The following GINS3 variants were observed in gnomAD, a reference collection of about 807,000 sequenced individuals.
GINS3 encodes the protein GINS complex subunit 3.
A neutral mutation model predicts 20.0 loss-of-function variants in GINS3; 18 were observed. The observed-to-expected ratio is 0.90, with a 90% confidence interval of 0.62 to 1.33. The LOEUF is 1.33. Ranked by LOEUF, GINS3 falls within the 40% of genes most tolerant of loss-of-function variation. The pLI is 0.00. For missense variants in GINS3, 254 were observed against 273.6 expected (o/e 0.93, Z 0.51); for synonymous variants, 109 against 107.0 (o/e 1.02, Z -0.12).
intron 1 of GINS3, among the ~76,000 whole-genome samples, chr16:58,399,245 C>A (rs932630011): frequency 2.0e-5 from 3 of 151,424 alleles, no homozygotes; most frequent in Admixed American, 2.0e-4. Context: ...GCCTAGAAGA[C>A]CACTGCACTC....
chr16:58,401,668 C>G (rs1265492956), intron 1 of GINS3, among the ~76,000 whole-genome samples: 1 of 152,230 alleles, frequency 6.6e-6, no homozygotes, highest in Non-Finnish European at 1.5e-5. Context: ...CAAGTCCCCA[C>G]CCAACCCAGA....
At chr16:58,397,526 T>A (rs1237408672) in intron 1 of GINS3, among the ~76,000 whole-genome samples, 2 of 152,114 alleles carry the variant, frequency 1.3e-5, no homozygotes, top group Non-Finnish European at 2.9e-5. Context: ...CATTGAGCAC[T>A]GAGTGAACGT....
Position 58,404,757 on chromosome 16 carries a change from C to A in GINS3, c.*28C>A. The A allele has an allele frequency of 6.6e-7, 1 of 1,509,530 alleles. No homozygotes were observed. Among genetic ancestry groups the A allele is most frequent in the Non-Finnish European group, 9.2e-7 (1 of 1,089,942 alleles). The allele number at this position is 1,509,530 out of a possible 1,614,324, so 93.5% of individuals were successfully genotyped here. Reference sequence around the variant, plus strand: ...GCCGGAAGAACACAGAATGGCTCCTCACAGACGTATCCCTCCGTGTGTCCT... The same window carrying A: ...GCCGGAAGAACACAGAATGGCTCCTAACAGACGTATCCCTCCGTGTGTCCT... On this transcript the variant is annotated 3_prime_UTR_variant, in exon 3 of 3. Transcript: ENST00000318129.
At chr16:58,401,979 T>C (rs549444339) in intron 1 of GINS3, among the ~76,000 whole-genome samples, 2 of 152,338 alleles carry the variant, frequency 1.3e-5, no homozygotes, top group African/African-American at 4.8e-5. Flanking sequence ...CAGACATTTA[T>C]TTTGCCTCAA....
At chr16:58,403,873 A>G in intron 2 of GINS3, 1 of 160,702 alleles carries the variant, frequency 6.2e-6, no homozygotes, top group South Asian at 1.8e-4. Context: ...TTCTGGGGTT[A>G]GGGCTTGGCC....
Position 58,395,066 on chromosome 16 carries a change from A to AT in GINS3, c.186+2283dup, listed in dbSNP as rs563316059. ...TTGGTTTTTAACTAAAACTTTGACC[A>AT]TTTTATCTAATTTTTTTTTTTTTTT... On this transcript the variant is annotated intron_variant, in intron 1 of 2. Coordinates refer to ENST00000318129, the MANE Select transcript of GINS3 (RefSeq NM_022770.4). 4.6e-4 allele frequency: 245 copies of AT among 532,788 alleles called. No homozygotes were observed. The African/African-American group carries it at 4.8e-3, about 10-fold the overall frequency. The allele number at this position is 532,788 out of a possible 1,614,324, so 33.0% of individuals were successfully genotyped here. A position where few individuals can be genotyped will look rare whatever the true frequency, so the allele number is the denominator to read the frequency against.
intron 1 of GINS3, chr16:58,393,528 GTAATAC>G: frequency 6.6e-6 from 1 of 152,320 alleles, no homozygotes; most frequent in Admixed American, 6.5e-5. Context: ...TTTTATCAAA[GTAATAC>G]ATAACCAACG....
rs1362681388 is a variant in GINS3 at position 58,404,493 on chromosome 16, T to G, written c.421-6T>G. The stretch of plus-strand genomic sequence containing the variant: ...CCCTGACTTGTCTTACTCCCTTGTT[T>G]CCCAGACTTTTATCGGACGTTTTCG... On this transcript the variant is annotated splice_region_variant and splice_polypyrimidine_tract_variant and intron_variant, in intron 2 of 2. Transcript: ENST00000318129. 6.2e-7 allele frequency: 1 copy of G among 1,609,866 alleles called. No individual in the cohort carries two copies. Among genetic ancestry groups the G allele is most frequent in the East Asian group, 2.2e-5 (1 of 44,874 alleles).
chr16:58,404,420 A>C (rs1965998976), intron 2 of GINS3, 79 bp from the exon 3 acceptor site: 1 of 913,262 alleles, frequency 1.1e-6, no homozygotes, highest in Non-Finnish European at 1.8e-6. Flanking sequence ...ATGCCATTTA[A>C]ATGTTCTGAG....
rs900800911 is a variant in GINS3 at position 58,392,640 on chromosome 16, G to A, written c.39G>A (p.Leu13=). ...ATTTCCGAGTGGAGTCGGGTGCGCT[G>A]GGGCCTGAGGAGAACTTTCTTTCTT... The part of the protein sequence containing the change: ...EAYFRVESGA[L]GPEENFLSLD... Residue 13 remains leucine (L), a synonymous_variant, in exon 1 of 3, where the codon CTG becomes CTA. Transcript: ENST00000318129. The A allele has an allele frequency of 6.2e-7, 1 of 1,614,248 alleles. No individual in the cohort carries two copies. The highest frequency in any genetic ancestry group is 8.5e-7 in the Non-Finnish European group (1 of 1,180,028).
intron 2 of GINS3, 148 bp from the exon 3 acceptor site, chr16:58,404,351 T>C: frequency 1.6e-6 from 1 of 622,160 alleles, no homozygotes. Flanking sequence ...AATAACTTAC[T>C]TGGGTGCTAG....
chr16:58,395,861 G>T (rs896232038), intron 1 of GINS3, among the ~76,000 whole-genome samples: 5 of 152,094 alleles, frequency 3.3e-5, no homozygotes, highest in African/African-American at 1.2e-4. Flanking sequence ...CCTCCCAGAC[G>T]GGGTGGTGGC....
At position 58,405,474 on chromosome 16, in the gene GINS3, T is replaced by C. The variant is rs1966021326; in HGVS notation, c.*745T>C. ...AGAGCACCCGCACACTTAATTCTAC[T>C]CCCTGTCTAGAAAAGCTGTCAGGGA... is the stretch of plus-strand genomic sequence containing the variant. On this transcript the variant is annotated 3_prime_UTR_variant, in exon 3 of 3. Transcript: ENST00000318129. The C allele has an allele frequency of 6.6e-6, 1 of 152,154 alleles. No individual in the cohort carries two copies. Among genetic ancestry groups the C allele is most frequent in the African/African-American group, 2.4e-5 (1 of 41,424 alleles). 9.4% of individuals were successfully genotyped at this position (152,154 alleles called of 1,614,324 possible).
intron 1 of GINS3, among the ~76,000 whole-genome samples, chr16:58,397,163 C>A (rs1019455859): frequency 3.3e-5 from 5 of 150,808 alleles, no homozygotes; most frequent in Non-Finnish European, 1.5e-5. Context: ...CTCCTCACTT[C>A]TCAGACGGGG....
intron 2 of GINS3, chr16:58,403,644 C>T: frequency 3.1e-6 from 1 of 320,584 alleles, no homozygotes; most frequent in South Asian, 3.6e-5. Flanking sequence ...CACCTGTAAT[C>T]CCAGCACTTT....
chr16:58,403,379 C>G (rs1434788907), intron 2 of GINS3, 48 bp downstream of exon 2: 2 of 1,438,676 alleles, frequency 1.4e-6, no homozygotes, highest in Non-Finnish European at 1.9e-6. Context: ...GTCTCAAGAG[C>G]CAGCCACAGA....
chr16:58,396,982 C>T (rs1160380966), intron 1 of GINS3, among the ~76,000 whole-genome samples: 2 of 145,856 alleles, frequency 1.4e-5, no homozygotes, highest in South Asian at 2.2e-4. Context: ...AGGCGCCCCT[C>T]ACCTCCAGGA....
intron 2 of GINS3, 133 bp downstream of exon 2, chr16:58,403,464 C>CTGTT: frequency 1.6e-6 from 1 of 638,734 alleles, no homozygotes; most frequent in South Asian, 1.9e-5. Flanking sequence ...TACAGTTACA[C>CTGTT]TGTCTGTCCA....
At chr16:58,397,657 A>G (rs1449831633) in intron 1 of GINS3, among the ~76,000 whole-genome samples, 1 of 151,888 alleles carries the variant, frequency 6.6e-6, no homozygotes, top group African/African-American at 2.4e-5. Flanking sequence ...AAATACGAAA[A>G]CCAGTCAGGC....
Sources: gnomAD v4.1 joint callset for allele counts (sites outside exome capture counted in the v4.1 genomes callset) on GRCh38, gnomAD v4.1.1 for gene constraint, MANE v1.5 for transcripts, NCBI Gene and HGNC (gene_info 2026-07-23, HGNC 2026-07-21) for gene names.